The following PHF5A variants were observed in gnomAD, a reference collection of about 807,000 sequenced individuals.
PHF5A encodes PHD finger-like domain-containing protein 5A.
For missense variants in PHF5A, 24 were observed against 140.6 expected (o/e 0.17, Z 4.19); for synonymous variants, 52 against 46.0 (o/e 1.13, Z -0.52).
intron 3 of PHF5A, among the ~76,000 whole-genome samples, chr22:41,464,280 C>A (rs2037849065): frequency 6.6e-6 from 1 of 152,142 alleles, no homozygotes; most frequent in African/African-American, 2.4e-5. Flanking sequence ...AATGAGAATA[C>A]CTAGCTTAGC....
intron 3 of PHF5A, among the ~76,000 whole-genome samples, chr22:41,462,344 A>C (rs2037833301): frequency 6.6e-6 from 1 of 152,188 alleles, no homozygotes. Context: ...TCTCATTTCT[A>C]ACTCAACTAA....
At chr22:41,463,764 T>C (rs1001474426) in intron 3 of PHF5A, among the ~76,000 whole-genome samples, 15 of 142,658 alleles carry the variant, frequency 1.1e-4, no homozygotes, top group Admixed American at 4.9e-4. Context: ...CATGGTGGCA[T>C]GTGCCTGTAA....
chr22:41,460,515 A>C (rs1425673738), intron 3 of PHF5A, 28 bp from the exon 4 acceptor site: 2 of 1,563,998 alleles, frequency 1.3e-6, no homozygotes, highest in Non-Finnish European at 1.8e-6. Context: ...GAAGTTGTTA[A>C]GTCTTTGAGC....
intron 3 of PHF5A, 73 bp downstream of exon 3, chr22:41,467,375 A>C: frequency 8.8e-5 from 122 of 1,389,796 alleles, no homozygotes; most frequent in Non-Finnish European, 1.2e-4. Flanking sequence ...CATAGACCAT[A>C]GGAGATTGCA....
intron 3 of PHF5A, among the ~76,000 whole-genome samples, chr22:41,462,220 G>A (rs1368234477): frequency 1.3e-5 from 2 of 152,076 alleles, no homozygotes; most frequent in Admixed American, 6.6e-5. Context: ...AGAAAAACCG[G>A]GGAAGCTGTA....
chr22:41,460,956 T>C (rs1006089934), intron 3 of PHF5A, among the ~76,000 whole-genome samples: 1 of 152,138 alleles, frequency 6.6e-6, no homozygotes, highest in African/African-American at 2.4e-5. Flanking sequence ...GTGGATCACC[T>C]GAGGTCAGAA....
intron 2 of PHF5A, 44 bp downstream of exon 2, chr22:41,468,080 G>C (rs141558065): frequency 1.2e-6 from 2 of 1,608,814 alleles, no homozygotes; most frequent in African/African-American, 2.7e-5. Context: ...ACAGAAAACT[G>C]GGAGTGGGAA....
intron 3 of PHF5A, among the ~76,000 whole-genome samples, chr22:41,465,878 C>T (rs1400784168): frequency 6.6e-6 from 1 of 151,598 alleles, no homozygotes; most frequent in Non-Finnish European, 1.5e-5. Context: ...GAAACTCCAT[C>T]TCAAAAAATA....
At chr22:41,466,991 C>T (rs2037870982) in intron 3 of PHF5A, among the ~76,000 whole-genome samples, 2 of 149,290 alleles carry the variant, frequency 1.3e-5, no homozygotes, top group South Asian at 2.2e-4. Flanking sequence ...GAGACCCCAT[C>T]TCAAAAAAAC....
Position 41,460,149 on chromosome 22 carries a change from A to T in PHF5A, c.*249T>A. ...AACAGATCTTTGCTTCTCGAATTCA[A>T]GAAAAACCATTAACTAATCTATCAA... is the stretch of plus-strand genomic sequence containing the variant. On this transcript the variant is annotated 3_prime_UTR_variant, in exon 4 of 4. Coordinates refer to ENST00000216252, the MANE Select transcript of PHF5A (RefSeq NM_032758.4). 1 of 334,110 alleles carries T rather than the reference A, an allele frequency of 3.0e-6. No individual in the cohort carries two copies. 20.7% of individuals were successfully genotyped at this position (334,110 alleles called of 1,614,324 possible). A position where few individuals can be genotyped will look rare whatever the true frequency, so the allele number is the denominator to read the frequency against.
In PHF5A at chr22:41,468,048, T is replaced by C. The variant is rs61736535; in HGVS notation, c.76+76A>G. The C allele has an allele frequency of 7.4e-3, 11,209 of 1,520,972 alleles. 537 individuals carry two copies. The African/African-American group carries it at 0.12, about 16-fold the overall frequency. 94.2% of individuals were successfully genotyped at this position (1,520,972 alleles called of 1,614,324 possible). A position where few individuals can be genotyped will look rare whatever the true frequency, so the allele number is the denominator to read the frequency against. The stretch of plus-strand genomic sequence containing the variant: ...CAGGCACATCTACTCAAAGCCCTCT[T>C]TGTGGCACTTTTGCTGGTTCCACAG... On this transcript the variant is annotated intron_variant, in intron 2 of 3. Transcript: ENST00000216252.
chr22:41,460,485 T>C lies in PHF5A; in HGVS notation c.246A>G (p.Arg82=). Residue 82 remains arginine (R), a splice_region_variant and synonymous_variant, in exon 4 of 4, where the codon AGA becomes AGG. Coordinates refer to ENST00000216252, the MANE Select transcript of PHF5A (RefSeq NM_032758.4). ...GATTGACAATCTTTGGGCAGCCATC[T>C]CTCTGGAAAACAGAACAGAGAAGTT... The part of the protein sequence containing the change: ...CKECTIQEKD[R]DGCPKIVNLG... 1 of 1,596,984 alleles carries C rather than the reference T, an allele frequency of 6.3e-7. No individual in the cohort carries two copies. Among genetic ancestry groups the C allele is most frequent in the Non-Finnish European group, 8.6e-7 (1 of 1,168,410 alleles).
rs780273393 is a variant in PHF5A at position 41,460,440 on chromosome 22, G to A, written c.291C>T (p.Asp97=). ...KIVNLGSSKT[D]LFYERKKYGF... ...CGTATTTTTTGCGTTCATAGAAGAG[G>A]TCTGTCTTAGAGCTCCCCAGATTGA... The change falls in exon 4 of 4, where the codon GAC becomes GAT. Residue 97 remains aspartate, a synonymous_variant. Transcript: ENST00000216252. The A allele has an allele frequency of 6.2e-7, 1 of 1,605,970 alleles. No individual in the cohort carries two copies. The highest frequency in any genetic ancestry group is 1.1e-5 in the South Asian group (1 of 89,776).
chr22:41,460,318 C>CT lies in PHF5A; in HGVS notation c.*79dup. 8.1e-7 allele frequency: 1 copy of CT among 1,235,224 alleles called. No homozygotes were observed. Among genetic ancestry groups the CT allele is most frequent in the Non-Finnish European group, 1.2e-6 (1 of 860,000 alleles). 76.5% of individuals were successfully genotyped at this position (1,235,224 alleles called of 1,614,324 possible). A position where few individuals can be genotyped will look rare whatever the true frequency, so the allele number is the denominator to read the frequency against. Reference sequence around the variant, plus strand: ...CTGGTGATGCTCTGGGCTCTGCTCCCTTTCTGCTGGTAGTAGTAGGCATGT... The same window carrying CT: ...CTGGTGATGCTCTGGGCTCTGCTCCCTTTTCTGCTGGTAGTAGTAGGCATGT... On this transcript the variant is annotated 3_prime_UTR_variant, in exon 4 of 4. Transcript: ENST00000216252.
chr22:41,467,928 G>T, intron 2 of PHF5A, 196 bp downstream of exon 2: 1 of 634,926 alleles, frequency 1.6e-6, no homozygotes, highest in Non-Finnish European at 2.7e-6. Flanking sequence ...TCTTCCCGTT[G>T]AAAACTAGAG....
At position 41,460,501 on chromosome 22, in the gene PHF5A, C is replaced by T; in HGVS notation, c.244-14G>A. 6.3e-7 allele frequency: 1 copy of T among 1,585,376 alleles called. No individual in the cohort carries two copies. Among genetic ancestry groups the T allele is most frequent in the Non-Finnish European group, 8.6e-7 (1 of 1,159,840 alleles). Reference sequence around the variant, plus strand: ...GCAGCCATCTCTCTGGAAAACAGAACAGAGAAGTTGTTAAGTCTTTGAGCC... The same window carrying T: ...GCAGCCATCTCTCTGGAAAACAGAATAGAGAAGTTGTTAAGTCTTTGAGCC... On this transcript the variant is annotated splice_polypyrimidine_tract_variant and intron_variant, in intron 3 of 3. Coordinates refer to ENST00000216252, the MANE Select transcript of PHF5A (RefSeq NM_032758.4).
At chr22:41,465,334 CG>C (rs2037857755) in intron 3 of PHF5A, among the ~76,000 whole-genome samples, 1 of 151,914 alleles carries the variant, frequency 6.6e-6, no homozygotes, top group Non-Finnish European at 1.5e-5. Context: ...TGTGCCACCA[CG>C]TATTTTTAGT....
chr22:41,467,967 G>A, intron 2 of PHF5A, 157 bp downstream of exon 2: 1 of 716,082 alleles, frequency 1.4e-6, no homozygotes, highest in Non-Finnish European at 2.4e-6. Flanking sequence ...GCAAGCGGCA[G>A]TGGGGAGTTA....
chr22:41,467,854 A>T (rs1201309788), intron 2 of PHF5A, among the ~76,000 whole-genome samples: 1 of 152,222 alleles, frequency 6.6e-6, no homozygotes, highest in Non-Finnish European at 1.5e-5. Context: ...CTCGGAGATG[A>T]TAAGCCTGTA....
Sources: gnomAD v4.1 joint callset for allele counts (sites outside exome capture counted in the v4.1 genomes callset) on GRCh38, gnomAD v4.1.1 for gene constraint, MANE v1.5 for transcripts, NCBI Gene and HGNC (gene_info 2026-07-23, HGNC 2026-07-21) for gene names.